The following KIF13A variants were observed in gnomAD, a reference collection of about 807,000 sequenced individuals.
KIF13A encodes kinesin family member 13A, also known as kinesin-like protein KIF13A.
A neutral mutation model predicts 212.2 loss-of-function variants in KIF13A; 79 were observed. The ratio of observed to expected loss-of-function variants is 0.37; its 90% CI spans 0.31 to 0.45. KIF13A has a LOEUF of 0.45. KIF13A is among the 20% of genes least tolerant of loss of function. KIF13A has a pLI of 1.00. For synonymous variants in KIF13A, 789 were observed against 808.6 expected, an observed-to-expected ratio of 0.98 and a Z score of 0.41; for missense variants, 1,901 against 2,209.0, an observed-to-expected ratio of 0.86 and a Z score of 2.79.
chr6:17,921,912 CAG>C (rs1436584044), intron 2 of KIF13A, among the ~76,000 whole-genome samples: 2 of 152,162 alleles, frequency 1.3e-5, no homozygotes, highest in African/African-American at 4.8e-5. Context: ...AAAAAATCTG[CAG>C]AGTTTACTTA....
In KIF13A at chr6:17,987,562, G is replaced by A. The variant is rs1251953241; in HGVS notation, c.-99C>T. On this transcript the variant is annotated 5_prime_UTR_variant, in exon 1 of 39. Transcript: ENST00000259711. This position sits in a 1 kb window ranked among gnomAD's most constrained non-coding sequence, Gnocchi z 7.7. ...CGCTGCAGCCGCGCGCCCCTCGAGCGCGGCCGCCGCCGCTCCGCCGTGAGC... is the reference window on the plus strand; with the variant it reads ...CGCTGCAGCCGCGCGCCCCTCGAGCACGGCCGCCGCCGCTCCGCCGTGAGC... The A allele has an allele frequency of 2.7e-5, 16 of 582,970 alleles. No homozygotes were observed. Among genetic ancestry groups the A allele is most frequent in the Non-Finnish European group, 3.5e-5 (16 of 463,486 alleles). 36.1% of individuals were successfully genotyped at this position (582,970 alleles called of 1,614,324 possible). A position where few individuals can be genotyped will look rare whatever the true frequency, so the allele number is the denominator to read the frequency against.
At position 17,828,511 on chromosome 6, in the gene KIF13A, G is replaced by T. The variant is rs766565669; in HGVS notation, c.1402-141C>A. ...CTGCCAGAGATGTTAAATATCTTAA[G>T]CATTAAAAGTAAAACGCTTACCCTT... On this transcript the variant is annotated intron_variant, in intron 13 of 38. Coordinates refer to ENST00000259711, the MANE Select transcript of KIF13A (RefSeq NM_022113.6). The surrounding 1 kb of genome is among the most constrained non-coding windows in gnomAD (Gnocchi z 4.3). The T allele has an allele frequency of 6.1e-6, 4 of 654,796 alleles. No homozygotes were observed. The highest frequency in any genetic ancestry group is 9.6e-6 in the Non-Finnish European group (4 of 415,252). The allele number at this position is 654,796 out of a possible 1,614,324, so 40.6% of individuals were successfully genotyped here. A position where few individuals can be genotyped will look rare whatever the true frequency, so the allele number is the denominator to read the frequency against.
chr6:17,817,027 C>A lies in KIF13A; in HGVS notation c.1993G>T (p.Glu665Ter). ...TAQQKVTQWA[E>*]ERDELFRQSL... ...CCCCGCTGCAGTTCTTACCTCTCTT[C>A]TGCCCACTGGGTCACCTTCTGCTGC... is the stretch of plus-strand genomic sequence containing the variant. Residue 665 changes from glutamate to a stop codon, truncating the protein, a stop_gained, in exon 17 of 39, where the codon GAA (glutamate) becomes TAA (stop). Transcript: ENST00000259711. LOFTEE classifies it high-confidence loss of function. The A allele has an allele frequency of 6.2e-7, 1 of 1,610,666 alleles. No individual in the cohort carries two copies. The highest frequency in any genetic ancestry group is 1.7e-5 in the Admixed American group (1 of 59,688).
rs553284289 is a variant in KIF13A at position 17,862,973 on chromosome 6, C to A, written c.221-6851G>T. On this transcript the variant is annotated intron_variant, in intron 4 of 38. Coordinates refer to ENST00000259711, the MANE Select transcript of KIF13A (RefSeq NM_022113.6). ...AAAAACAAACAAACAAACAAACAAA[C>A]AAAAAAACAAAATTAGCCAGGCATG... Among the ~76,000 whole-genome samples, 183 of 151,792 alleles carry A rather than the reference C, an allele frequency of 1.2e-3. No homozygotes were observed. The East Asian group carries it at 0.018, about 15-fold the overall frequency.
chr6:17,901,634 C>G (rs1188844830), intron 2 of KIF13A, among the ~76,000 whole-genome samples: 4 of 152,194 alleles, frequency 2.6e-5, no homozygotes, highest in Non-Finnish European at 5.9e-5. Flanking sequence ...CCTACAAAAG[C>G]TTTCCCTTCA....
In KIF13A at chr6:17,926,532, C is replaced by G. The variant is rs1052988890; in HGVS notation, c.147-28352G>C. 2.6e-5 allele frequency among the ~76,000 whole-genome samples: 4 copies of G among 152,000 alleles called. No individual in the cohort carries two copies. The highest frequency in any genetic ancestry group is 5.9e-5 in the Non-Finnish European group (4 of 67,976). ...CAGGTGTGAGCCACCATGCCTGGCC[C>G]CTGGTACGTTTCTTTAAAACACATG... On this transcript the variant is annotated intron_variant, in intron 2 of 38. Transcript: ENST00000259711. This position sits in a 1 kb window ranked among gnomAD's most constrained non-coding sequence, Gnocchi z 4.3.
At chr6:17,848,558 C>CTATTTTTTT (rs1767307074) in intron 9 of KIF13A, among the ~76,000 whole-genome samples, 1 of 68,856 alleles carries the variant, frequency 1.5e-5, no homozygotes, top group Middle Eastern at 9.4e-3. Context: ...ACTCGTACAT[C>CTATTTTTTT]TTTTTTTTTT....
At chr6:17,969,018 T>A (rs950017947) in intron 2 of KIF13A, among the ~76,000 whole-genome samples, 5 of 152,136 alleles carry the variant, frequency 3.3e-5, no homozygotes, top group African/African-American at 7.2e-5. Flanking sequence ...TAGGGTCCAC[T>A]CATCCAGTCT....
intron 16 of KIF13A, among the ~76,000 whole-genome samples, chr6:17,822,798 C>G (rs1473801977): frequency 1.3e-5 from 2 of 152,116 alleles, no homozygotes; most frequent in African/African-American, 4.8e-5. Flanking sequence ...GTTAAATAAC[C>G]CATTAATGTG....
intron 2 of KIF13A, among the ~76,000 whole-genome samples, chr6:17,941,428 G>T (rs1164901924): frequency 6.6e-6 from 1 of 152,156 alleles, no homozygotes; most frequent in African/African-American, 2.4e-5. Flanking sequence ...CCATATTGAA[G>T]CCTTAACCCT....
intron 4 of KIF13A, among the ~76,000 whole-genome samples, chr6:17,864,398 T>C (rs184957208): frequency 6.6e-6 from 1 of 152,286 alleles, no homozygotes; most frequent in East Asian, 1.9e-4. Flanking sequence ...CATAACACAA[T>C]GTCAGAACAA....
chr6:17,948,387 A>G (rs1294051037), intron 2 of KIF13A, among the ~76,000 whole-genome samples: 1 of 152,134 alleles, frequency 6.6e-6, no homozygotes, highest in African/African-American at 2.4e-5. Context: ...TTTTCTTTGG[A>G]AAATAAAATA....
Position 17,982,252 on chromosome 6 carries a change from C to T in KIF13A, c.146+4802G>A, listed in dbSNP as rs1257983871. The stretch of plus-strand genomic sequence containing the variant: ...CTGGGATTATAGGTGTGCACCACCA[C>T]ACTCGGCTAACTTTTGTATTTTTTT... On this transcript the variant is annotated intron_variant, in intron 2 of 38. Transcript: ENST00000259711. The surrounding 1 kb of genome is among the most constrained non-coding windows in gnomAD (Gnocchi z 5.1). The T allele has an allele frequency of 1.2e-5, 2 of 160,312 alleles. No individual in the cohort carries two copies. Among genetic ancestry groups the T allele is most frequent in the Non-Finnish European group, 2.6e-5 (2 of 75,570 alleles). 9.9% of individuals were successfully genotyped at this position (160,312 alleles called of 1,614,324 possible).
chr6:17,784,725 G>C (rs1464489932), intron 28 of KIF13A, among the ~76,000 whole-genome samples: 1 of 152,124 alleles, frequency 6.6e-6, no homozygotes, highest in East Asian at 1.9e-4. Flanking sequence ...GGGGTGAGTA[G>C]GCTGTCTGTA....
chr6:17,793,922 A>C (rs1761819937), intron 25 of KIF13A, among the ~76,000 whole-genome samples: 1 of 152,100 alleles, frequency 6.6e-6, no homozygotes, highest in Non-Finnish European at 1.5e-5. Context: ...TTTAAAAAAA[A>C]AACACACACA....
At chr6:17,830,826 C>CTAGGTGTG (rs1765382629) in intron 13 of KIF13A, among the ~76,000 whole-genome samples, 1 of 152,180 alleles carries the variant, frequency 6.6e-6, no homozygotes, top group South Asian at 2.1e-4. Flanking sequence ...AGAGCCTTCT[C>CTAGGTGTG]ATAAAGCTAG....
In KIF13A at chr6:17,838,238, T is replaced by C. The variant is rs866724820; in HGVS notation, c.831-655A>G. 6.6e-6 allele frequency among the ~76,000 whole-genome samples: 1 copy of C among 151,650 alleles called. No individual in the cohort carries two copies. The highest frequency in any genetic ancestry group is 1.5e-5 in the Non-Finnish European group (1 of 67,904). On this transcript the variant is annotated intron_variant, in intron 9 of 38. Coordinates refer to ENST00000259711, the MANE Select transcript of KIF13A (RefSeq NM_022113.6). The surrounding 1 kb of genome is among the most constrained non-coding windows in gnomAD (Gnocchi z 4.2). ...CGGGAGGCTGAGGCAGGAAAATTGCTTGAACCCGGGAGGCGGAGGCTGCAG... is the reference window on the plus strand; with the variant it reads ...CGGGAGGCTGAGGCAGGAAAATTGCCTGAACCCGGGAGGCGGAGGCTGCAG...
intron 2 of KIF13A, among the ~76,000 whole-genome samples, chr6:17,972,893 A>T (rs1779940127): frequency 6.6e-6 from 1 of 152,062 alleles, no homozygotes. Flanking sequence ...AACTACAAAC[A>T]GAGGTTTCCC....
At position 17,967,476 on chromosome 6, in the gene KIF13A, C is replaced by T. The variant is rs1479934324; in HGVS notation, c.146+19578G>A. On this transcript the variant is annotated intron_variant, in intron 2 of 38. Transcript: ENST00000259711. The surrounding 1 kb of genome is among the most constrained non-coding windows in gnomAD (Gnocchi z 4.1). Reference sequence around the variant, plus strand: ...TTCTTATGAATAAAGAAAGAGAGAACTCATCTTATGCTCAATCACTCAAGG... The same window carrying T: ...TTCTTATGAATAAAGAAAGAGAGAATTCATCTTATGCTCAATCACTCAAGG... Among the ~76,000 whole-genome samples, 1 of 152,168 alleles carries T rather than the reference C, an allele frequency of 6.6e-6. No homozygotes were observed. The highest frequency in any genetic ancestry group is 2.4e-5 in the African/African-American group (1 of 41,432).
Sources: allele counts gnomAD v4.1 joint callset (sites outside exome capture counted in the v4.1 genomes callset), GRCh38; gene constraint gnomAD v4.1.1; non-coding constraint Gnocchi (gnomAD v3.1); transcripts MANE v1.5; gene names NCBI Gene and HGNC (gene_info 2026-07-23, HGNC 2026-07-21).